The following NCOR2 variants were observed in gnomAD, a reference collection of about 807,000 sequenced individuals.
NCOR2 encodes CTG repeat protein 26.
NCOR2 carries 81 observed loss-of-function variants against 262.9 expected under a neutral mutation model. The ratio of observed to expected loss-of-function variants is 0.31; its 90% CI spans 0.26 to 0.37. NCOR2 has a LOEUF of 0.37. NCOR2 is among the 10% of genes least tolerant of loss of function. NCOR2 has a pLI of 1.00. For synonymous variants in NCOR2, 1,659 were observed against 1,559.3 expected (o/e 1.06, Z -1.51); for missense variants, 3,385 against 3,621.4 (o/e 0.93, Z 1.68).
rs3040848 is a variant in NCOR2 at position 124,501,062 on chromosome 12, GCACACACACACA to G, written c.-117-5706_-117-5695del. The stretch of plus-strand genomic sequence containing the variant: ...ACGGCACGAGCGCGCGCGCACGCGC[GCACACACACACA>G]CACACACACACACACACACACACAC... On this transcript the variant is annotated intron_variant, in intron 1 of 46. Coordinates refer to the NCOR2 transcript ENST00000404621. 8.6e-3 allele frequency among the ~76,000 whole-genome samples: 1,274 copies of G among 147,736 alleles called. 18 individuals are homozygous for G. Among genetic ancestry groups the G allele is most frequent in the South Asian group, 0.028 (131 of 4,686 alleles).
At chr12:124,394,723 A>G (rs1308305074) in intron 16 of NCOR2, among the ~76,000 whole-genome samples, 1 of 152,152 alleles carries the variant, frequency 6.6e-6, no homozygotes, top group Admixed American at 6.5e-5. Flanking sequence ...GAGCCTCTGG[A>G]GGGAATGCAG....
chr12:124,335,479 G>A lies in NCOR2; in HGVS notation c.6265+4C>T, dbSNP rs771900985. 66 of 1,603,558 alleles carry A rather than the reference G, an allele frequency of 4.1e-5. No homozygotes were observed. The highest frequency in any genetic ancestry group is 5.3e-5 in the Non-Finnish European group (62 of 1,178,604). On this transcript the variant is annotated splice_donor_region_variant and intron_variant, in intron 39 of 46. Transcript: ENST00000405201. ...CGGGGGCCTGGGTACTGGGTGGGGC[G>A]TACCTGGCTGCTTGGGCCGCAGCTC...
intron 1 of NCOR2, among the ~76,000 whole-genome samples, chr12:124,487,116 A>T (rs2047804658): frequency 6.6e-6 from 1 of 152,198 alleles, no homozygotes; most frequent in African/African-American, 2.4e-5. Context: ...ATTATTTGTA[A>T]AAACAGAAAT....
chr12:124,495,207 A>G lies in NCOR2; in HGVS notation c.45T>C (p.Thr15=), dbSNP rs1174968437. 1 of 1,613,862 alleles carries G rather than the reference A, an allele frequency of 6.2e-7. No individual in the cohort carries two copies. Among genetic ancestry groups the G allele is most frequent in the East Asian group, 2.2e-5 (1 of 44,876 alleles). The change falls in exon 1 of 47, where the codon ACT becomes ACC. Residue 15 remains threonine, a synonymous_variant. Transcript: ENST00000405201. This position sits in a 1 kb window ranked among gnomAD's most constrained non-coding sequence, Gnocchi z 4.4. The stretch of plus-strand genomic sequence containing the variant: ...GGCTGTGGGGCGGGTAGCGGGGCTC[A>G]GTGGCCCTCCACGTCTGTGCCACAG...
At chr12:124,342,437 T>C (rs907408501) in intron 33 of NCOR2, among the ~76,000 whole-genome samples, 1 of 152,194 alleles carries the variant, frequency 6.6e-6, no homozygotes, top group Non-Finnish European at 1.5e-5. Flanking sequence ...TGGCGCGATC[T>C]TGGCTCACTG....
chr12:124,391,970 G>A (rs1230521173), intron 16 of NCOR2, among the ~76,000 whole-genome samples: 1 of 152,246 alleles, frequency 6.6e-6, no homozygotes, highest in Non-Finnish European at 1.5e-5. Flanking sequence ...CACCGCAGTG[G>A]GCTGGGTGAG....
chr12:124,379,433 C>T (rs1218153342), intron 17 of NCOR2, among the ~76,000 whole-genome samples: 1 of 152,204 alleles, frequency 6.6e-6, no homozygotes, highest in African/African-American at 2.4e-5. Flanking sequence ...TGCTGAGCAA[C>T]TGTGAAAGGC....
chr12:124,522,429 C>T (rs765281613), intron 1 of NCOR2, among the ~76,000 whole-genome samples: 9 of 152,178 alleles, frequency 5.9e-5, no homozygotes, highest in Non-Finnish European at 1.2e-4. Context: ...GCAGGGGGAG[C>T]CTTCTCTGTG....
chr12:124,350,169 A>G (rs1161520795), intron 28 of NCOR2, among the ~76,000 whole-genome samples: 1 of 152,098 alleles, frequency 6.6e-6, no homozygotes, highest in East Asian at 1.9e-4. Context: ...CCCAGAGCCT[A>G]GAGAGGGAGA....
At chr12:124,350,662 G>C in exon 28 of NCOR2, 1 of 1,613,820 alleles carries the variant, frequency 6.2e-7, no homozygotes. Context: ...TCCCGGCCGC[G>C]GTCCAAGCGA....
chr12:124,391,932 TCAGA>T (rs1399930286), intron 16 of NCOR2, among the ~76,000 whole-genome samples: 1 of 151,768 alleles, frequency 6.6e-6, no homozygotes, highest in Non-Finnish European at 1.5e-5. Context: ...GCCTGGGGGG[TCAGA>T]CAGACCACCC....
intron 1 of NCOR2, among the ~76,000 whole-genome samples, chr12:124,520,784 C>T (rs2050141959): frequency 6.6e-6 from 1 of 152,196 alleles, no homozygotes; most frequent in Non-Finnish European, 1.5e-5. Context: ...TCGACGGCGA[C>T]CACCCCTCCA....
intron 1 of NCOR2, among the ~76,000 whole-genome samples, chr12:124,558,058 A>G (rs2051941011): frequency 6.6e-6 from 1 of 152,036 alleles, no homozygotes; most frequent in Admixed American, 6.6e-5. Context: ...GGCTGGCACC[A>G]GGCAGGTTCC....
At chr12:124,369,616 G>A (rs2039328283) in intron 20 of NCOR2, among the ~76,000 whole-genome samples, 1 of 152,072 alleles carries the variant, frequency 6.6e-6, no homozygotes, top group Non-Finnish European at 1.5e-5. Context: ...CGGCCAGGAC[G>A]AGGTCAGCAG....
chr12:124,347,717 A>G, intron 30 of NCOR2, 108 bp downstream of exon 32: 1 of 1,098,938 alleles, frequency 9.1e-7, no homozygotes, highest in Non-Finnish European at 1.3e-6. Context: ...GCCTTTCTGC[A>G]TACTTGTCCT....
At position 124,509,107 on chromosome 12, in the gene NCOR2, G is replaced by A. The variant is rs537074745; in HGVS notation, c.-117-13739C>T. On this transcript the variant is annotated intron_variant, in intron 1 of 46. Coordinates refer to the NCOR2 transcript ENST00000404621. The stretch of plus-strand genomic sequence containing the variant: ...ACAGGGAGCAAGACACAGTGTCTCT[G>A]CCCACCCGGCCCCACTCCGTGCATG... 1.4e-4 allele frequency among the ~76,000 whole-genome samples: 21 copies of A among 152,042 alleles called. No homozygotes were observed. In the East Asian group the frequency reaches 4.1e-3, roughly 29 times the overall value.
At position 124,490,074 on chromosome 12, in the gene NCOR2, T is replaced by C. The variant is rs1008872105; in HGVS notation, c.106-3506A>G. ...CATTCACGGGTCTCTCCCGGAATGA[T>C]GGCGGCTACAGTCAAGAGAGCTCCC... On this transcript the variant is annotated intron_variant, in intron 1 of 46. Coordinates refer to ENST00000405201, the Ensembl canonical transcript of NCOR2. Among the ~76,000 whole-genome samples, 4 of 152,212 alleles carry C rather than the reference T, an allele frequency of 2.6e-5. No individual in the cohort carries two copies. In the South Asian group the frequency reaches 6.2e-4, roughly 24 times the overall value.
intron 1 of NCOR2, among the ~76,000 whole-genome samples, chr12:124,487,716 A>G (rs1478798680): frequency 6.6e-6 from 1 of 152,246 alleles, no homozygotes; most frequent in East Asian, 1.9e-4. Context: ...CGCTGATAGC[A>G]CAATTGTCCT....
At chr12:124,494,158 T>C (rs567225030) in intron 1 of NCOR2, among the ~76,000 whole-genome samples, 2 of 152,138 alleles carry the variant, frequency 1.3e-5, no homozygotes, top group Non-Finnish European at 2.9e-5. Context: ...GATGGAAACG[T>C]CCTCCCACAC....
Sources: allele counts gnomAD v4.1 joint callset (sites outside exome capture counted in the v4.1 genomes callset), GRCh38; gene constraint gnomAD v4.1.1; non-coding constraint Gnocchi (gnomAD v3.1); transcripts MANE v1.5; gene names NCBI Gene and HGNC (gene_info 2026-07-23, HGNC 2026-07-21).